CRISPLD1: variants seen among roughly 807,000 people sequenced by gnomAD.
The protein encoded by CRISPLD1 is cysteine rich secretory protein LCCL domain containing 1.
CRISPLD1 carries 60 observed loss-of-function variants against 77.5 expected under a neutral mutation model. The observed-to-expected ratio is 0.77, with a 90% CI of 0.63 to 0.96. The LOEUF is 0.96. CRISPLD1 is among the 40% of genes least tolerant of loss of function. The probability of loss-of-function intolerance (pLI) is 0.00; values close to 1 mark genes in which losing one functional copy is unlikely to be tolerated. For missense variants in CRISPLD1, 623 were observed against 615.8 expected (o/e 1.01, Z -0.12); for synonymous variants, 195 against 200.1 (o/e 0.97, Z 0.22).
chr8:74,992,905 GTTTT>G (rs771210880), intron 2 of CRISPLD1, among the ~76,000 whole-genome samples: 1 of 115,236 alleles, frequency 8.7e-6, no homozygotes, highest in East Asian at 2.5e-4. Context: ...AGAAATTATG[GTTTT>G]TTTTTTTTTT....
At chr8:74,985,119 T>A (rs954845881) in intron 1 of CRISPLD1, among the ~76,000 whole-genome samples, 199 bp downstream of exon 1, 1 of 152,180 alleles carries the variant, frequency 6.6e-6, no homozygotes, top group African/African-American at 2.4e-5. Flanking sequence ...GTGACTTTGT[T>A]GGTTTCACCT....
At chr8:74,998,872 C>T (rs1319173724) in intron 2 of CRISPLD1, among the ~76,000 whole-genome samples, 3 of 151,642 alleles carry the variant, frequency 2.0e-5, no homozygotes, top group African/African-American at 7.3e-5. Flanking sequence ...CCTTTGGAGA[C>T]ATTTGACTAG....
At chr8:75,019,941 T>C in intron 11 of CRISPLD1, 28 bp downstream of exon 11, 1 of 1,609,414 alleles carries the variant, frequency 6.2e-7, no homozygotes, top group South Asian at 1.1e-5. Flanking sequence ...CTTATTTTCT[T>C]AGTACTGTGT....
At chr8:74,989,997 A>G (rs896784269) in intron 2 of CRISPLD1, among the ~76,000 whole-genome samples, 6 of 152,334 alleles carry the variant, frequency 3.9e-5, no homozygotes, top group African/African-American at 1.4e-4. Context: ...AATCACTCAG[A>G]AACAGAAAGT....
intron 2 of CRISPLD1, among the ~76,000 whole-genome samples, chr8:74,990,264 T>G (rs1232137850): frequency 6.6e-6 from 1 of 151,790 alleles, no homozygotes; most frequent in African/African-American, 2.4e-5. Context: ...AAAACCGCAC[T>G]TATACTCCTT....
chr8:75,025,503 A>ATT (rs112989924), intron 12 of CRISPLD1, 43 bp from the exon 13 acceptor site: 82,723 of 817,260 alleles, frequency 0.1, 4,551 homozygotes, highest in South Asian at 0.13. Flanking sequence ...AGACTTAAGT[A>ATT]ACCAGCTTAC....
chr8:74,992,515 A>T (rs1279762692), intron 2 of CRISPLD1, among the ~76,000 whole-genome samples: 6 of 152,226 alleles, frequency 3.9e-5, no homozygotes, highest in African/African-American at 1.4e-4. Flanking sequence ...AAGTGTGTCT[A>T]AGTGTAGAAT....
At chr8:75,015,054 A>C (rs1412252347) in intron 6 of CRISPLD1, 142 bp downstream of exon 6, 2 of 446,358 alleles carry the variant, frequency 4.5e-6, no homozygotes, top group Non-Finnish European at 7.9e-6. Flanking sequence ...TTTTGAAGAA[A>C]TCTTTTACAA....
intron 2 of CRISPLD1, among the ~76,000 whole-genome samples, chr8:74,996,924 C>T (rs903896880): frequency 3.3e-5 from 5 of 151,758 alleles, no homozygotes; most frequent in South Asian, 2.1e-4. Flanking sequence ...GCTGTGTTTC[C>T]GAGGCTGGTC....
chr8:75,001,952 CT>C (rs1314109164), intron 2 of CRISPLD1, among the ~76,000 whole-genome samples: 6 of 152,022 alleles, frequency 3.9e-5, no homozygotes, highest in Non-Finnish European at 8.8e-5. Flanking sequence ...GTTTCTTGAC[CT>C]TTCTTGACCT....
chr8:74,996,213 T>C (rs544902989), intron 2 of CRISPLD1, among the ~76,000 whole-genome samples: 1 of 152,086 alleles, frequency 6.6e-6, no homozygotes, highest in African/African-American at 2.4e-5. Flanking sequence ...ATTACAGTAT[T>C]TATGTCTAAC....
intron 4 of CRISPLD1, among the ~76,000 whole-genome samples, chr8:75,013,572 G>A (rs889167372): frequency 1.3e-5 from 2 of 151,996 alleles, no homozygotes; most frequent in South Asian, 2.1e-4. Flanking sequence ...GATAACCAGT[G>A]GCATGATGAA....
At chr8:75,006,991 G>A (rs1209946618) in intron 2 of CRISPLD1, among the ~76,000 whole-genome samples, 1 of 151,902 alleles carries the variant, frequency 6.6e-6, no homozygotes, top group African/African-American at 2.4e-5. Context: ...TGAAATTAAT[G>A]TTTGATATTT....
At chr8:75,009,311 C>T (rs763219301) in intron 2 of CRISPLD1, among the ~76,000 whole-genome samples, 3 of 150,858 alleles carry the variant, frequency 2.0e-5, no homozygotes, top group Admixed American at 1.3e-4. Flanking sequence ...AAGTCTGTCA[C>T]GATGTGTCTT....
At chr8:75,013,793 T>C (rs1053896889) in intron 4 of CRISPLD1, among the ~76,000 whole-genome samples, 194 bp from the exon 5 acceptor site, 5 of 152,198 alleles carry the variant, frequency 3.3e-5, no homozygotes, top group African/African-American at 9.6e-5. Flanking sequence ...TATTTTTCTG[T>C]AGCTCTGTTT....
intron 2 of CRISPLD1, among the ~76,000 whole-genome samples, chr8:74,997,041 G>A (rs1340475488): frequency 6.6e-6 from 1 of 152,092 alleles, no homozygotes; most frequent in Non-Finnish European, 1.5e-5. Flanking sequence ...GGCCTTTTAA[G>A]TGAATAAAAA....
rs199940123 is a variant in CRISPLD1, at chr8:74,986,090, C to G, written c.103C>G (p.Leu35Val). Residue 35 changes from leucine to valine, a missense_variant, in exon 2 of 15, where the codon CTT becomes GTT. Transcript: ENST00000262207. ...VVPNATLLEK[L>V]LEKYMDEDGE... is the part of the protein sequence containing the mutation. ...TCCCAATGCCACTTTATTGGAGAAA[C>G]TTTTGGAAAAATACATGGATGAGGA... is the stretch of plus-strand genomic sequence containing the variant. 2.1e-5 allele frequency: 34 copies of G among 1,614,044 alleles called. No homozygotes were observed. In the East Asian group the frequency reaches 7.4e-4, roughly 35 times the overall value.
At chr8:74,986,394 T>C (rs994568241) in intron 2 of CRISPLD1, 149 bp downstream of exon 2, 2 of 801,544 alleles carry the variant, frequency 2.5e-6, no homozygotes, top group Non-Finnish European at 3.9e-6. Flanking sequence ...TATTCGTTTA[T>C]TAATGTTCCT....
intron 2 of CRISPLD1, among the ~76,000 whole-genome samples, chr8:74,995,326 A>G (rs1248459218): frequency 6.6e-6 from 1 of 152,266 alleles, no homozygotes; most frequent in Non-Finnish European, 1.5e-5. Context: ...TGACAATTTT[A>G]TAACATATTT....
Sources: allele counts gnomAD v4.1 joint callset (sites outside exome capture counted in the v4.1 genomes callset), GRCh38; gene constraint gnomAD v4.1.1; transcripts MANE v1.5; gene names NCBI Gene and HGNC (gene_info 2026-07-23, HGNC 2026-07-21).